The following DNAJC11 variants were observed in gnomAD, a reference collection of about 807,000 sequenced individuals.
DNAJC11 encodes the protein DnaJ heat shock protein family (Hsp40) member C11.
A neutral mutation model predicts 78.6 loss-of-function variants in DNAJC11; 15 were observed. The ratio of observed to expected loss-of-function variants is 0.19; its 90% CI spans 0.13 to 0.29. The LOEUF (loss-of-function observed/expected upper bound fraction) is 0.29. Ranked by LOEUF, DNAJC11 falls within the 10% of genes least tolerant of loss-of-function variation. The pLI is 1.00. For synonymous variants in DNAJC11, 292 were observed against 272.1 expected (o/e 1.07, Z -0.72); for missense variants, 547 against 709.6 (o/e 0.77, Z 2.60).
chr1:6,685,554 CACCTCAATCA>C (rs1642642967), intron 1 of DNAJC11, among the ~76,000 whole-genome samples: 1 of 152,172 alleles, frequency 6.6e-6, no homozygotes, highest in African/African-American at 2.4e-5. Context: ...GGAGCTCACC[CACCTCAATCA>C]ATCCGAGCTC....
In DNAJC11 at chr1:6,653,084, G is replaced by C; in HGVS notation, c.508-133C>G. ...CCTCTGTTCAGAAGCACACATGGAT[G>C]CAGAACTGCCGCAACAGCTTCACTT... On this transcript the variant is annotated intron_variant, in intron 5 of 15. Transcript: ENST00000377577. The surrounding 1 kb of genome is among the most constrained non-coding windows in gnomAD (Gnocchi z 4.5). 1 of 1,028,176 alleles carries C rather than the reference G, an allele frequency of 9.7e-7. No individual in the cohort carries two copies. The highest frequency in any genetic ancestry group is 1.4e-6 in the Non-Finnish European group (1 of 697,056). 63.7% of individuals were successfully genotyped at this position (1,028,176 alleles called of 1,614,324 possible).
chr1:6,683,203 T>A (rs939984697), intron 1 of DNAJC11, among the ~76,000 whole-genome samples: 6 of 152,212 alleles, frequency 3.9e-5, no homozygotes, highest in Non-Finnish European at 5.9e-5. Flanking sequence ...GCTGGCTGCC[T>A]GTCTTCCAGC....
chr1:6,694,608 T>A (rs1274773738), intron 1 of DNAJC11, among the ~76,000 whole-genome samples: 1 of 152,032 alleles, frequency 6.6e-6, no homozygotes, highest in Non-Finnish European at 1.5e-5. Flanking sequence ...GCTTTTCGGC[T>A]GCACCTCCAC....
rs56145914 is a variant in DNAJC11 at position 6,640,071 on chromosome 1, CAAAAAA to C, written c.1098-20_1098-15del. On this transcript the variant is annotated splice_polypyrimidine_tract_variant and intron_variant, in intron 10 of 15. Coordinates refer to ENST00000377577, the MANE Select transcript of DNAJC11 (RefSeq NM_018198.4). ...GCCCTGTTGAGCCTGGGGAAAAATA[CAAAAAA>C]AAAAAAAAAAAAGCCAAGATGAATC... 3 of 1,219,026 alleles carry C rather than the reference CAAAAAA, an allele frequency of 2.5e-6. No individual in the cohort carries two copies. The highest frequency in any genetic ancestry group is 2.3e-5 in the African/African-American group (1 of 44,158). The allele number at this position is 1,219,026 out of a possible 1,614,324, so 75.5% of individuals were successfully genotyped here.
intron 4 of DNAJC11, among the ~76,000 whole-genome samples, chr1:6,657,973 G>T (rs1055283073): frequency 6.6e-6 from 1 of 151,908 alleles, no homozygotes; most frequent in African/African-American, 2.4e-5. Context: ...ATAACCAAGT[G>T]AAAATAGGTT....
At chr1:6,681,355 T>C (rs1293639877) in intron 1 of DNAJC11, among the ~76,000 whole-genome samples, 1 of 152,204 alleles carries the variant, frequency 6.6e-6, no homozygotes, top group East Asian at 1.9e-4. Context: ...GCTAACTCTT[T>C]AACTTATTTG....
At chr1:6,635,942 T>C (rs1357893406) in intron 15 of DNAJC11, among the ~76,000 whole-genome samples, 175 bp downstream of exon 15, 1 of 152,156 alleles carries the variant, frequency 6.6e-6, no homozygotes, top group Non-Finnish European at 1.5e-5. Context: ...CAGCCCCCCT[T>C]TTAGGGCACA....
At chr1:6,696,124 C>T (rs1186468077) in intron 1 of DNAJC11, among the ~76,000 whole-genome samples, 1 of 152,200 alleles carries the variant, frequency 6.6e-6, no homozygotes, top group African/African-American at 2.4e-5. Context: ...TTTTGGACAA[C>T]CGAGGCTTAA....
At chr1:6,644,927 T>C (rs774803659) in intron 9 of DNAJC11, 114 bp downstream of exon 9, 2 of 1,043,634 alleles carry the variant, frequency 1.9e-6, no homozygotes, top group Non-Finnish European at 1.5e-6. Context: ...TCTCCAAAAA[T>C]GTCACACACA....
At chr1:6,670,263 A>G (rs1642359079) in intron 3 of DNAJC11, among the ~76,000 whole-genome samples, 1 of 152,164 alleles carries the variant, frequency 6.6e-6, no homozygotes, top group African/African-American at 2.4e-5. Context: ...ACAGAAGGAT[A>G]GGAAATAAAA....
Position 6,680,866 on chromosome 1 carries a change from C to T in DNAJC11, c.202+42G>A. 6.2e-7 allele frequency: 1 copy of T among 1,602,090 alleles called. No individual in the cohort carries two copies. Among genetic ancestry groups the T allele is most frequent in the Non-Finnish European group, 8.5e-7 (1 of 1,171,744 alleles). ...ATCGCACCTCCTAAAAATCGAATAT[C>T]TGTTACCAGGATGTTTCTACAAAGT... On this transcript the variant is annotated intron_variant, in intron 2 of 15. Coordinates refer to ENST00000377577, the MANE Select transcript of DNAJC11 (RefSeq NM_018198.4). The surrounding 1 kb of genome is among the most constrained non-coding windows in gnomAD (Gnocchi z 4.0).
chr1:6,667,836 A>G (rs1368837204), intron 3 of DNAJC11, 26 bp from the exon 4 acceptor site: 1 of 1,601,454 alleles, frequency 6.2e-7, no homozygotes, highest in Non-Finnish European at 8.5e-7. Context: ...AGATGGGAAG[A>G]CAGTTGAGGA....
In DNAJC11 at chr1:6,664,083, C is replaced by T. The variant is rs114997792; in HGVS notation, c.378+3626G>A. On this transcript the variant is annotated intron_variant, in intron 4 of 15. Coordinates refer to ENST00000377577, the MANE Select transcript of DNAJC11 (RefSeq NM_018198.4). Reference sequence around the variant, plus strand: ...GGAGCCAGCAGGCAAAGTGGACACACGCCGGGGCTGGGGATTTTACACGTT... The same window carrying T: ...GGAGCCAGCAGGCAAAGTGGACACATGCCGGGGCTGGGGATTTTACACGTT... Among the ~76,000 whole-genome samples, 386 of 152,248 alleles carry T rather than the reference C, an allele frequency of 2.5e-3. 1 individual carries two copies. The highest frequency in any genetic ancestry group is 8.8e-3 in the African/African-American group (364 of 41,550).
chr1:6,693,429 G>A (rs952045493), intron 1 of DNAJC11, among the ~76,000 whole-genome samples: 3 of 152,060 alleles, frequency 2.0e-5, no homozygotes, highest in African/African-American at 7.2e-5. Context: ...CGCTCAGGCT[G>A]GAGTGCAGTG....
At chr1:6,655,825 C>T (rs889393920) in intron 4 of DNAJC11, among the ~76,000 whole-genome samples, 13 of 150,052 alleles carry the variant, frequency 8.7e-5, no homozygotes, top group African/African-American at 2.7e-4. Context: ...AAGAACAGGC[C>T]GGGTGTGGTG....
At chr1:6,677,263 T>G (rs1265827679) in intron 3 of DNAJC11, among the ~76,000 whole-genome samples, 1 of 151,754 alleles carries the variant, frequency 6.6e-6, no homozygotes, top group Non-Finnish European at 1.5e-5. Context: ...TTAAACAGAC[T>G]AGCAAAATTT....
intron 1 of DNAJC11, among the ~76,000 whole-genome samples, chr1:6,687,354 CTTTT>C (rs70981400): frequency 1.7e-5 from 2 of 119,034 alleles, no homozygotes; most frequent in African/African-American, 3.1e-5. Context: ...AATACAGTCC[CTTTT>C]TTTTTTTTTT....
chr1:6,699,536 C>T (rs1642891498), intron 1 of DNAJC11, among the ~76,000 whole-genome samples: 1 of 152,146 alleles, frequency 6.6e-6, no homozygotes, highest in Non-Finnish European at 1.5e-5. Flanking sequence ...TTCAGAAAGG[C>T]TGGCTTCATT....
intron 4 of DNAJC11, among the ~76,000 whole-genome samples, chr1:6,656,729 A>AC (rs1257855210): frequency 1.0e-5 from 1 of 98,764 alleles, no homozygotes; most frequent in African/African-American, 3.9e-5. Context: ...AAAAACTAAA[A>AC]CCAAAAAAAA....
Sources: gnomAD v4.1 joint callset for allele counts (sites outside exome capture counted in the v4.1 genomes callset) on GRCh38, gnomAD v4.1.1 for gene constraint, Gnocchi (gnomAD v3.1) non-coding constraint, MANE v1.5 for transcripts, NCBI Gene and HGNC (gene_info 2026-07-23, HGNC 2026-07-21) for gene names.